The following MPZL3 variants were observed in gnomAD, a reference collection of about 807,000 sequenced individuals.
The protein encoded by MPZL3 is myelin protein zero-like protein 3.
MPZL3 carries 23 observed loss-of-function variants against 24.8 expected under a neutral mutation model. The observed-to-expected ratio is 0.93, with a 90% CI of 0.67 to 1.31. The LOEUF (loss-of-function observed/expected upper bound fraction) is 1.31, where lower values mean the gene tolerates loss of function less well. Ranked by LOEUF, MPZL3 falls within the 40% of genes most tolerant of loss-of-function variation. The pLI is 0.00. For missense variants in MPZL3, 277 were observed against 294.9 expected (o/e 0.94, Z 0.44); for synonymous variants, 99 against 106.5 (o/e 0.93, Z 0.44).
chr11:118,244,028 C>A (rs1019528323), intron 1 of MPZL3, among the ~76,000 whole-genome samples: 21 of 152,154 alleles, frequency 1.4e-4, no homozygotes, highest in Admixed American at 1.2e-3. Flanking sequence ...AACTCCACTA[C>A]CACTTCTGGT....
chr11:118,241,190 CT>C (rs545514765), intron 1 of MPZL3, among the ~76,000 whole-genome samples: 85 of 152,184 alleles, frequency 5.6e-4, no homozygotes, highest in Admixed American at 1.4e-3. Flanking sequence ...AGAACAAAAA[CT>C]TATCTTTCCC....
chr11:118,244,435 T>C (rs958123121), intron 1 of MPZL3, among the ~76,000 whole-genome samples: 4 of 149,342 alleles, frequency 2.7e-5, no homozygotes, highest in Non-Finnish European at 4.5e-5. Flanking sequence ...GAGAGGAGAG[T>C]GGTTAATGAA....
At chr11:118,243,747 G>A (rs1949525844) in intron 1 of MPZL3, among the ~76,000 whole-genome samples, 1 of 151,666 alleles carries the variant, frequency 6.6e-6, no homozygotes, top group Non-Finnish European at 1.5e-5. Context: ...ACTCCAGCCT[G>A]GGTGACTGAA....
rs1020112421 is a variant in MPZL3, at chr11:118,228,651, T to C, written c.*1243A>G. Reference sequence around the variant, plus strand: ...ATGTAAAAACCACTTGCAAATACCATAGTTTACTCACAGTTGGCACATTTT... The same window carrying C: ...ATGTAAAAACCACTTGCAAATACCACAGTTTACTCACAGTTGGCACATTTT... On this transcript the variant is annotated 3_prime_UTR_variant, in exon 6 of 6. Transcript: ENST00000278949. 6.6e-6 allele frequency: 1 copy of C among 152,168 alleles called. No individual in the cohort carries two copies. The highest frequency in any genetic ancestry group is 1.5e-5 in the Non-Finnish European group (1 of 68,026). The allele number at this position is 152,168 out of a possible 1,614,324, so 9.4% of individuals were successfully genotyped here.
At chr11:118,236,735 G>A (rs1322001055) in intron 3 of MPZL3, among the ~76,000 whole-genome samples, 1 of 152,128 alleles carries the variant, frequency 6.6e-6, no homozygotes, top group East Asian at 1.9e-4. Flanking sequence ...CTATTTCACA[G>A]AGATAACAAC....
intron 2 of MPZL3, among the ~76,000 whole-genome samples, chr11:118,239,883 G>A (rs1949471659): frequency 6.6e-6 from 1 of 152,170 alleles, no homozygotes; most frequent in African/African-American, 2.4e-5. Flanking sequence ...CTATTCAATA[G>A]TCCTGAAGGT....
chr11:118,246,954 C>T (rs565173708), intron 1 of MPZL3, among the ~76,000 whole-genome samples: 37 of 150,068 alleles, frequency 2.5e-4, no homozygotes, highest in African/African-American at 8.8e-4. Context: ...CTTTTACCAT[C>T]CCCAGGTCTG....
Position 118,233,468 on chromosome 11 carries a change from C to T in MPZL3, c.673G>A (p.Glu225Lys), listed in dbSNP as rs1282211215. 1.4e-5 allele frequency: 22 copies of T among 1,613,870 alleles called. 1 individual carries two copies. The highest frequency in any genetic ancestry group is 3.3e-5 in the South Asian group (3 of 91,082). The stretch of plus-strand genomic sequence containing the variant: ...GAATGGCATGCACTTACCAGGCACT[C>T]AGCGCAACGGACACAAAGCCTCGCC... Reference protein sequence around the residue: ...CMARLCVRCAECLDSDYEETY With the variant: ...CMARLCVRCAKCLDSDYEETY Residue 225 changes from glutamate to lysine, a missense_variant, in exon 5 of 6, where the codon GAG (glutamate) becomes AAG (lysine). Physicochemically the swap from Glu to Lys is moderately conservative, Grantham distance 56. Coordinates refer to ENST00000278949, the MANE Select transcript of MPZL3 (RefSeq NM_198275.3).
intron 3 of MPZL3, among the ~76,000 whole-genome samples, chr11:118,235,914 T>C (rs1949420334): frequency 6.6e-6 from 1 of 152,222 alleles, no homozygotes; most frequent in Non-Finnish European, 1.5e-5. Flanking sequence ...ACTTATAATA[T>C]GATAAATATT....
intron 1 of MPZL3, among the ~76,000 whole-genome samples, chr11:118,244,158 A>G (rs938385131): frequency 2.0e-5 from 3 of 152,208 alleles, no homozygotes; most frequent in East Asian, 3.8e-4. Flanking sequence ...GAACTTCTCT[A>G]TCCCAAAGCT....
intron 1 of MPZL3, among the ~76,000 whole-genome samples, chr11:118,245,469 G>C (rs990001547): frequency 6.6e-6 from 1 of 152,232 alleles, no homozygotes; most frequent in Non-Finnish European, 1.5e-5. Context: ...GGGAAAGGGA[G>C]GTATCAAGGA....
At position 118,228,518 on chromosome 11, in the gene MPZL3, A is replaced by G. The variant is rs1949302440; in HGVS notation, c.*1376T>C. 6.6e-6 allele frequency: 1 copy of G among 152,248 alleles called. No homozygotes were observed. The highest frequency in any genetic ancestry group is 6.5e-5 in the Admixed American group (1 of 15,282). The allele number at this position is 152,248 out of a possible 1,614,324, so 9.4% of individuals were successfully genotyped here. A position where few individuals can be genotyped will look rare whatever the true frequency, so the allele number is the denominator to read the frequency against. ...TATAAAAAATCCTATGTAAATTAAC[A>G]TTTGAAACAAGTTGTCATAGCAGAA... On this transcript the variant is annotated 3_prime_UTR_variant, in exon 6 of 6. Coordinates refer to ENST00000278949, the MANE Select transcript of MPZL3 (RefSeq NM_198275.3).
intron 1 of MPZL3, among the ~76,000 whole-genome samples, chr11:118,241,398 G>A (rs1049865463): frequency 5.9e-5 from 9 of 152,300 alleles, no homozygotes; most frequent in East Asian, 1.9e-4. Context: ...GATTGAGCAC[G>A]CAGGCCACGG....
intron 2 of MPZL3, 128 bp from the exon 3 acceptor site, chr11:118,237,388 T>A: frequency 1.3e-6 from 1 of 789,744 alleles, no homozygotes; most frequent in Non-Finnish European, 2.0e-6. Context: ...CAACTTTTTA[T>A]GCTTTTTTAA....
chr11:118,236,361 GA>G (rs1949426112), intron 3 of MPZL3, among the ~76,000 whole-genome samples: 1 of 152,066 alleles, frequency 6.6e-6, no homozygotes. Context: ...AAGGGAAGAT[GA>G]GAAGGAAGAA....
In MPZL3 at chr11:118,240,309, T is replaced by C; in HGVS notation, c.142A>G (p.Ile48Val). 10 of 1,609,958 alleles carry C rather than the reference T, an allele frequency of 6.2e-6. No individual in the cohort carries two copies. Among genetic ancestry groups the C allele is most frequent in the Non-Finnish European group, 8.5e-6 (10 of 1,178,630 alleles). ...GACTTGAAAGTGCATTTCAACTTGATCTTTTCTCCAACATAACCTCGGACA... is the reference window on the plus strand; with the variant it reads ...GACTTGAAAGTGCATTTCAACTTGACCTTTTCTCCAACATAACCTCGGACA... ...AHVRGYVGEK[I>V]KLKCTFKSTS... is the part of the protein sequence containing the mutation. The change falls in exon 2 of 6, where the codon ATC becomes GTC. Residue 48 changes from isoleucine to valine, a missense_variant. Ile to Val is a conservative substitution (Grantham distance 29). Coordinates refer to ENST00000278949, the MANE Select transcript of MPZL3 (RefSeq NM_198275.3).
intron 3 of MPZL3, 94 bp downstream of exon 3, chr11:118,236,956 A>G: frequency 8.7e-7 from 1 of 1,148,786 alleles, no homozygotes; most frequent in Non-Finnish European, 1.3e-6. Flanking sequence ...ACTGGCTTAC[A>G]AAGATAGACA....
At chr11:118,240,988 A>C (rs1461277725) in intron 1 of MPZL3, among the ~76,000 whole-genome samples, 2 of 152,234 alleles carry the variant, frequency 1.3e-5, no homozygotes, top group African/African-American at 4.8e-5. Context: ...GAGGAATCAC[A>C]CATCCATTAA....
At chr11:118,248,269 C>T (rs934085744) in intron 1 of MPZL3, among the ~76,000 whole-genome samples, 6 of 152,064 alleles carry the variant, frequency 3.9e-5, no homozygotes, top group African/African-American at 1.4e-4. Context: ...CCGCCTCGGC[C>T]TCCCAAAGTG....
Sources: gnomAD v4.1 joint callset for allele counts (sites outside exome capture counted in the v4.1 genomes callset) on GRCh38, gnomAD v4.1.1 for gene constraint, MANE v1.5 for transcripts, NCBI Gene and HGNC (gene_info 2026-07-23, HGNC 2026-07-21) for gene names.